Variants in NCAM2 observed in about 807,000 individuals in gnomAD.
NCAM2 encodes the protein neural cell adhesion molecule 2.
Under a neutral mutation model 98.1 loss-of-function variants are expected in NCAM2, and 30 were observed. The observed-to-expected ratio is 0.31, with a 90% CI of 0.23 to 0.41. The LOEUF (loss-of-function observed/expected upper bound fraction) is 0.41, where lower values mean the gene tolerates loss of function less well. Ranked by LOEUF, NCAM2 falls within the 10% of genes least tolerant of loss-of-function variation. The pLI, the probability that NCAM2 is intolerant of heterozygous loss-of-function variation, is 1.00. For missense variants in NCAM2, 867 were observed against 1,005.8 expected, an observed-to-expected ratio of 0.86 and a Z score of 1.87; for synonymous variants, 368 against 342.4, an observed-to-expected ratio of 1.07 and a Z score of -0.83.
At chr21:21,205,814 C>A (rs898699780) in intron 1 of NCAM2, among the ~76,000 whole-genome samples, 1 of 151,934 alleles carries the variant, frequency 6.6e-6, no homozygotes, top group African/African-American at 2.4e-5. Flanking sequence ...TGGTATCTGG[C>A]GAGGATCAGT....
At chr21:21,528,151 A>G (rs922526458) in intron 16 of NCAM2, among the ~76,000 whole-genome samples, 1 of 152,216 alleles carries the variant, frequency 6.6e-6, no homozygotes, top group Admixed American at 6.5e-5. Context: ...GCTTTGAGAA[A>G]AGCAAAAGAC....
chr21:21,537,812 C>G (rs1163137219), intron 17 of NCAM2, 34 bp from the exon 18 acceptor site: 1 of 1,172,510 alleles, frequency 8.5e-7, no homozygotes, highest in East Asian at 2.4e-5. Context: ...TTAAATACCT[C>G]AGAAAATGAA....
intron 1 of NCAM2, among the ~76,000 whole-genome samples, chr21:21,234,584 G>A (rs777792589): frequency 6.6e-6 from 1 of 151,902 alleles, no homozygotes; most frequent in Non-Finnish European, 1.5e-5. Context: ...AATAAAAAAT[G>A]CTGATTTTCA....
chr21:21,430,540 A>G (rs774432028), intron 11 of NCAM2, among the ~76,000 whole-genome samples: 1 of 151,922 alleles, frequency 6.6e-6, no homozygotes, highest in Non-Finnish European at 1.5e-5. Context: ...GGCAAAGGAG[A>G]AGCAGGCACC....
At chr21:21,410,620 C>CCAT (rs2076837739) in intron 10 of NCAM2, among the ~76,000 whole-genome samples, 159 bp downstream of exon 10, 1 of 151,950 alleles carries the variant, frequency 6.6e-6, no homozygotes, top group Non-Finnish European at 1.5e-5. Flanking sequence ...GTCCATGGCT[C>CCAT]ATTAATGATG....
intron 1 of NCAM2, among the ~76,000 whole-genome samples, chr21:21,171,324 T>C (rs2068116708): frequency 6.6e-6 from 1 of 152,240 alleles, no homozygotes; most frequent in South Asian, 2.1e-4. Flanking sequence ...TAAACTGTAA[T>C]GAACACTCAT....
chr21:21,297,402 C>T (rs980074857), intron 5 of NCAM2, among the ~76,000 whole-genome samples: 1 of 151,662 alleles, frequency 6.6e-6, no homozygotes, highest in Non-Finnish European at 1.5e-5. Flanking sequence ...CAGGTAAGCT[C>T]TCCAACCTGC....
At chr21:21,279,476 AGGCTCCCGAGT>A (rs1241542363) in intron 1 of NCAM2, among the ~76,000 whole-genome samples, 1 of 152,122 alleles carries the variant, frequency 6.6e-6, no homozygotes, top group East Asian at 1.9e-4. Flanking sequence ...CTCCTGCCTC[AGGCTCCCGAGT>A]AGCTGGGATT....
chr21:21,084,532 A>T (rs1428227036), intron 1 of NCAM2, among the ~76,000 whole-genome samples: 2 of 152,220 alleles, frequency 1.3e-5, no homozygotes, highest in Admixed American at 6.5e-5. Context: ...CAAAAATGTT[A>T]TATAAGTAGA....
intron 1 of NCAM2, among the ~76,000 whole-genome samples, chr21:21,127,083 A>G (rs1382999329): frequency 1.3e-5 from 2 of 152,020 alleles, no homozygotes; most frequent in African/African-American, 2.4e-5. Flanking sequence ...AGAATCTGTC[A>G]TAATGTAACT....
chr21:21,093,610 A>C (rs956179891), intron 1 of NCAM2, among the ~76,000 whole-genome samples: 1 of 152,098 alleles, frequency 6.6e-6, no homozygotes, highest in East Asian at 1.9e-4. Flanking sequence ...TAACCTTGTA[A>C]CTGTCCACAT....
At chr21:21,527,020 A>G (rs1989362318) in intron 16 of NCAM2, among the ~76,000 whole-genome samples, 2 of 152,178 alleles carry the variant, frequency 1.3e-5, no homozygotes, top group African/African-American at 2.4e-5. Context: ...TTATAAAACT[A>G]CTAGAATAAA....
At chr21:21,005,702 C>A (rs1159050634) in intron 1 of NCAM2, among the ~76,000 whole-genome samples, 2 of 151,592 alleles carry the variant, frequency 1.3e-5, no homozygotes, top group Non-Finnish European at 2.9e-5. Flanking sequence ...AATTTGTTTT[C>A]ATTATATATT....
Position 21,297,318 on chromosome 21 carries a change from G to A in NCAM2, c.619+5077G>A, listed in dbSNP as rs147129382. ...TTTCAGTTAGCTGGTTGCCCTCACC[G>A]AACAAACATTGATATAATCTTGATA... On this transcript the variant is annotated intron_variant, in intron 5 of 17. Coordinates refer to ENST00000400546, the MANE Select transcript of NCAM2 (RefSeq NM_004540.5). Among the ~76,000 whole-genome samples, 387 of 151,644 alleles carry A rather than the reference G, an allele frequency of 2.6e-3. 4 individuals carry two copies. The highest frequency in any genetic ancestry group is 9.0e-3 in the African/African-American group (374 of 41,436).
intron 1 of NCAM2, among the ~76,000 whole-genome samples, chr21:21,248,620 C>CA (rs1300549292): frequency 3.3e-5 from 5 of 151,050 alleles, no homozygotes; most frequent in African/African-American, 4.9e-5. Flanking sequence ...ACTAAAAATA[C>CA]AAAAAAATTA....
chr21:21,427,761 G>T (rs1307021012), intron 11 of NCAM2, among the ~76,000 whole-genome samples: 1 of 152,154 alleles, frequency 6.6e-6, no homozygotes, highest in Non-Finnish European at 1.5e-5. Flanking sequence ...AAAATTCTGA[G>T]CTGAACATCG....
At chr21:21,535,878 G>C (rs973160795) in intron 17 of NCAM2, among the ~76,000 whole-genome samples, 1 of 152,102 alleles carries the variant, frequency 6.6e-6, no homozygotes, top group South Asian at 2.1e-4. Flanking sequence ...TTACCTATAC[G>C]TAAGTGGTGA....
intron 12 of NCAM2, among the ~76,000 whole-genome samples, chr21:21,447,024 C>T (rs1030276649): frequency 3.9e-5 from 6 of 152,126 alleles, no homozygotes; most frequent in African/African-American, 1.4e-4. Flanking sequence ...CTACCATAGA[C>T]ATTCTTCACA....
intron 1 of NCAM2, among the ~76,000 whole-genome samples, chr21:21,264,741 T>C (rs2072067366): frequency 7.2e-6 from 1 of 138,652 alleles, no homozygotes; most frequent in South Asian, 2.3e-4. Context: ...GGCATAAGTG[T>C]GTATATATAT....
Sources: gnomAD v4.1 joint callset for allele counts (sites outside exome capture counted in the v4.1 genomes callset) on GRCh38, gnomAD v4.1.1 for gene constraint, MANE v1.5 for transcripts, NCBI Gene and HGNC (gene_info 2026-07-23, HGNC 2026-07-21) for gene names.